MIAT: variants seen among roughly 807,000 people sequenced by gnomAD.
MIAT encodes the protein MI related novel mRNA.
intron 2 of MIAT, among the ~76,000 whole-genome samples, chr22:26,661,980 A>C (rs1930693844): frequency 7.1e-6 from 1 of 141,432 alleles, no homozygotes; most frequent in Non-Finnish European, 1.5e-5. Context: ...ACACATATAC[A>C]TGGATCTGCT....
At chr22:26,670,544 G>A, downstream of MIAT, 2 of 271,282 alleles carry the variant, frequency 7.4e-6, no homozygotes, top group East Asian at 9.8e-5. Context: ...TGGCTGAGAT[G>A]ATACCCGACC....
chr22:26,667,418 G>A (rs1930892443), intron 5 of MIAT: 2 of 374,872 alleles, frequency 5.3e-6, no homozygotes. Context: ...GCGCGTGTAT[G>A]TGTGTGTATG....
chr22:26,665,643 C>T, exon 4 of MIAT: 1 of 398,614 alleles, frequency 2.5e-6, no homozygotes. Flanking sequence ...ACTTACCAGC[C>T]CATAGCCTAC....
At chr22:26,655,201 C>T (rs183773829) in intron 2 of MIAT, among the ~76,000 whole-genome samples, 13 of 152,274 alleles carry the variant, frequency 8.5e-5, no homozygotes, top group Admixed American at 3.9e-4. Flanking sequence ...CTCCTTGGGA[C>T]TCTCAAGCTT....
exon 1 of MIAT, chr22:26,646,742 A>G (rs1460301776): frequency 2.5e-6 from 1 of 398,554 alleles, no homozygotes; most frequent in Non-Finnish European, 4.4e-6. Context: ...ATGCTCAGTA[A>G]GTGTTATTAT....
At chr22:26,676,078 A>G (rs534520356) in exon 5 of MIAT, 1 of 398,406 alleles carries the variant, frequency 2.5e-6, no homozygotes, top group Admixed American at 4.4e-5. Context: ...CTTAGAGCTG[A>G]GGAATTGGCC....
intron 2 of MIAT, among the ~76,000 whole-genome samples, chr22:26,653,846 TCTC>T (rs1288529889): frequency 6.6e-6 from 1 of 152,154 alleles, no homozygotes; most frequent in East Asian, 1.9e-4. Context: ...TTCAAGTGAT[TCTC>T]CTGCCTCAGC....
At chr22:26,675,055 G>A (rs1931208810) in exon 5 of MIAT, 1 of 398,848 alleles carries the variant, frequency 2.5e-6, no homozygotes, top group Admixed American at 4.4e-5. Flanking sequence ...AGGCATTGGG[G>A]ATGTAGTGGT....
At chr22:26,673,516 C>T (rs781229827), downstream of MIAT, 3 of 398,612 alleles carry the variant, frequency 7.5e-6, no homozygotes, top group Non-Finnish European at 1.3e-5. Context: ...CTAACTCCTG[C>T]CTTCCTGGTC....
At chr22:26,653,558 GA>G (rs1930375123) in intron 2 of MIAT, among the ~76,000 whole-genome samples, 1 of 152,106 alleles carries the variant, frequency 6.6e-6, no homozygotes, top group African/African-American at 2.4e-5. Context: ...ATAATATGCA[GA>G]AAAAAGCAAT....
exon 6 of MIAT, chr22:26,669,584 T>G (rs1930970581): frequency 5.0e-6 from 2 of 398,608 alleles, no homozygotes; most frequent in Admixed American, 4.4e-5. Flanking sequence ...AACAGTCACA[T>G]AGCAGGCTAC....
chr22:26,667,554 G>A (rs914200458), intron 5 of MIAT: 33 of 342,020 alleles, frequency 9.6e-5, no homozygotes, highest in African/African-American at 6.6e-4. Flanking sequence ...CCCTTGCCCT[G>A]TCTCTGCCCA....
intron 2 of MIAT, among the ~76,000 whole-genome samples, chr22:26,649,702 CA>C (rs1176680009): frequency 1.3e-5 from 2 of 152,200 alleles, no homozygotes; most frequent in Non-Finnish European, 2.9e-5. Flanking sequence ...ATCACGAGGT[CA>C]AGAGATTGAG....
chr22:26,671,635 T>G (rs2146019676), downstream of MIAT: 1 of 398,694 alleles, frequency 2.5e-6, no homozygotes, highest in African/African-American at 2.1e-5. Flanking sequence ...GGGATCTTTG[T>G]GCAGACCCAC....
At chr22:26,671,288 T>C, downstream of MIAT, 1 of 398,556 alleles carries the variant, frequency 2.5e-6, no homozygotes, top group Non-Finnish European at 4.4e-6. Context: ...AGGGTTGATT[T>C]TGATGGGGCT....
chr22:26,652,173 C>T (rs1396335978), intron 2 of MIAT, among the ~76,000 whole-genome samples: 2 of 152,018 alleles, frequency 1.3e-5, no homozygotes, highest in Non-Finnish European at 2.9e-5. Context: ...TTTAAAAGGT[C>T]TCTGTAGAGA....
chr22:26,670,140 A>G, downstream of MIAT: 1 of 392,886 alleles, frequency 2.5e-6, no homozygotes, highest in Non-Finnish European at 4.4e-6. Context: ...TTCCCTACCT[A>G]TTTTCCTAGT....
chr22:26,650,277 A>C (rs1346262276), intron 2 of MIAT: 2 of 152,250 alleles, frequency 1.3e-5, no homozygotes, highest in South Asian at 4.1e-4. Flanking sequence ...CCATCTGTGA[A>C]TCGAGGAGAG....
downstream of MIAT, chr22:26,672,436 G>A: frequency 2.5e-6 from 1 of 399,402 alleles, no homozygotes; most frequent in Non-Finnish European, 4.4e-6. Context: ...TGTGGATGTG[G>A]GAGGCTGGAC....
Sources: gnomAD v4.1 joint callset for allele counts (sites outside exome capture counted in the v4.1 genomes callset) on GRCh38, gnomAD v4.1.1 for gene constraint, MANE v1.5 for transcripts, NCBI Gene and HGNC (gene_info 2026-07-23, HGNC 2026-07-21) for gene names.